Variants in XIAP observed in about 807,000 individuals in gnomAD.
XIAP encodes X-linked inhibitor of apoptosis.
Under a neutral mutation model 33.1 loss-of-function variants are expected in XIAP, and 3 were observed. That is an observed-to-expected ratio of 0.09 (90% CI 0.04 to 0.23). XIAP has a LOEUF of 0.23. Among genes scored for constraint, XIAP ranks in the 10% least tolerant of loss-of-function variants. The pLI, the probability that XIAP is intolerant of heterozygous loss-of-function variation, is 1.00. For missense variants in XIAP, 264 were observed against 363.0 expected, an observed-to-expected ratio of 0.73 and a Z score of 2.22; for synonymous variants, 98 against 121.3, an observed-to-expected ratio of 0.81 and a Z score of 1.26.
intron 3 of XIAP, among the ~76,000 whole-genome samples, chrX:123,890,162 G>T (rs1354220845): frequency 5.0e-4 from 51 of 100,996 alleles, no homozygotes; most frequent in Non-Finnish European, 9.8e-4. Flanking sequence ...GACTACAGGC[G>T]CCCGCTACCA....
chrX:123,888,701 T>C lies in XIAP; in HGVS notation c.960T>C (p.His320=). The change falls in exon 3 of 7, where the codon CAT becomes CAC. Residue 320 remains histidine (H), a synonymous_variant. Transcript: ENST00000371199. The part of the protein sequence containing the change: ...WKPSEDPWEQ[H]AKWYPGCKYL... ...CCAGTGAAGACCCTTGGGAACAACA[T>C]GCTAAATGGTATCCAGGGTAAGATA... is the stretch of plus-strand genomic sequence containing the variant. The C allele has an allele frequency of 1.7e-6, 2 of 1,209,578 alleles. No individual in the cohort carries two copies. The highest frequency in any genetic ancestry group is 3.5e-5 in the South Asian group (2 of 56,986).
chrX:123,893,671 T>C (rs1259257016), intron 5 of XIAP, among the ~76,000 whole-genome samples: 1 of 110,771 alleles, frequency 9.0e-6, no homozygotes, highest in Non-Finnish European at 1.9e-5. Context: ...CGAAACCCCA[T>C]CTCTACTAAA....
chrX:123,869,687 G>T (rs1569476059), intron 1 of XIAP, among the ~76,000 whole-genome samples: 1 of 111,753 alleles, frequency 8.9e-6, no homozygotes, highest in African/African-American at 3.3e-5. Context: ...AATCCTTGTA[G>T]TAATTTCCTT....
At position 123,867,047 on chromosome X, in the gene XIAP, C is replaced by CA. The variant is rs1569475755; in HGVS notation, c.-33+6754_-33+6755insA. Among the ~76,000 whole-genome samples the CA allele has an allele frequency of 2.6e-4, 20 of 77,550 alleles. 1 individual carries two copies. Among genetic ancestry groups the CA allele is most frequent in the Admixed American group, 9.0e-4 (6 of 6,696 alleles). The allele number at this position is 77,550 out of a possible 115,157, so 67.3% of individuals were successfully genotyped here. ...TACAGGTTGTTTTAATCCCCCCCCC[C>CA]CCTTCAACATTCTATAGTTAACATT... is the stretch of plus-strand genomic sequence containing the variant. On this transcript the variant is annotated intron_variant, in intron 1 of 6. Coordinates refer to ENST00000371199, the MANE Select transcript of XIAP (RefSeq NM_001167.4).
chrX:123,890,127 C>T (rs2053392330), intron 3 of XIAP, among the ~76,000 whole-genome samples: 1 of 91,396 alleles, frequency 1.1e-5, no homozygotes, highest in South Asian at 6.8e-4. Flanking sequence ...CGCCATTCTC[C>T]TGCCTCAGCC....
At chrX:123,906,299 T>G (rs887217225) in intron 6 of XIAP, among the ~76,000 whole-genome samples, 6 of 112,084 alleles carry the variant, frequency 5.4e-5, no homozygotes, top group African/African-American at 1.9e-4. Flanking sequence ...ACCTCAAGAT[T>G]TGACTCTTCA....
rs1370166348 is a variant in XIAP at position 123,860,473 on chromosome X, C to T, written c.-33+180C>T. Reference sequence around the variant, plus strand: ...CTGCTTGCCCGGGTTCCTCGGACTGCCGACGGCAGGCGTGGGTGGGTGGGT... The same window carrying T: ...CTGCTTGCCCGGGTTCCTCGGACTGTCGACGGCAGGCGTGGGTGGGTGGGT... On this transcript the variant is annotated intron_variant, in intron 1 of 6. Transcript: ENST00000371199. 2.3e-5 allele frequency: 6 copies of T among 258,986 alleles called. No homozygotes were observed. In the Admixed American group the frequency reaches 3.0e-4, roughly 13 times the overall value. The allele number at this position is 258,986 out of a possible 1,213,427, so 21.3% of individuals were successfully genotyped here.
At chrX:123,905,242 C>G (rs1165975418) in intron 6 of XIAP, among the ~76,000 whole-genome samples, 1 of 111,646 alleles carries the variant, frequency 9.0e-6, no homozygotes, top group Non-Finnish European at 1.9e-5. Context: ...CCTAATCTTT[C>G]ATGATCAGGC....
intron 6 of XIAP, among the ~76,000 whole-genome samples, chrX:123,901,444 G>A (rs113875687): frequency 2.7e-5 from 3 of 111,555 alleles, no homozygotes; most frequent in Non-Finnish European, 5.6e-5. Flanking sequence ...CAACAACATC[G>A]AAGGTTAAAG....
In XIAP at chrX:123,911,561, G is replaced by A. The variant is rs181285458; in HGVS notation, c.*4380G>A. The A allele has an allele frequency of 3.1e-4, 97 of 313,081 alleles. No individual in the cohort carries two copies. In the East Asian group the frequency reaches 7.3e-3, roughly 24 times the overall value. The allele number at this position is 313,081 out of a possible 1,213,427, so 25.8% of individuals were successfully genotyped here. A position where few individuals can be genotyped will look rare whatever the true frequency, so the allele number is the denominator to read the frequency against. ...GGCGTGGTGGCACATGCCCATAGTC[G>A]CAGCTACTCTGGAGGCAGAGGCAGG... is the stretch of plus-strand genomic sequence containing the variant. On this transcript the variant is annotated 3_prime_UTR_variant, in exon 7 of 7. Coordinates refer to ENST00000371199, the MANE Select transcript of XIAP (RefSeq NM_001167.4).
rs2053489905 is a variant in XIAP at position 123,899,146 on chromosome X, T to TAAAAAA, written c.1100-1346_1100-1345insAAAAAA. Among the ~76,000 whole-genome samples, 4 of 13,419 alleles carry TAAAAAA rather than the reference T, an allele frequency of 3.0e-4. 1 individual carries two copies. Among genetic ancestry groups the TAAAAAA allele is most frequent in the African/African-American group, 5.1e-4 (2 of 3,907 alleles). The allele number at this position is 13,419 out of a possible 115,157, so 11.7% of individuals were successfully genotyped here. A position where few individuals can be genotyped will look rare whatever the true frequency, so the allele number is the denominator to read the frequency against. On this transcript the variant is annotated intron_variant, in intron 5 of 6. Transcript: ENST00000371199. ...AAAAAAAAAAAAAAAAAAAAAAAAA[T>TAAAAAA]ATATATATATATATATATATGATTT...
chrX:123,875,779 A>G (rs2053238845), intron 1 of XIAP, among the ~76,000 whole-genome samples: 3 of 109,078 alleles, frequency 2.8e-5, no homozygotes, highest in Admixed American at 9.9e-5. Flanking sequence ...TCTGCCTCCC[A>G]GGTTCAAGCG....
chrX:123,899,142 A>T lies in XIAP; in HGVS notation c.1100-1351A>T, dbSNP rs867008436. On this transcript the variant is annotated intron_variant, in intron 5 of 6. Transcript: ENST00000371199. ...CTCAAAAAAAAAAAAAAAAAAAAAA[A>T]AAATATATATATATATATATATATG... Among the ~76,000 whole-genome samples, 164 of 59,367 alleles carry T rather than the reference A, an allele frequency of 2.8e-3. 12 individuals are homozygous for T. The highest frequency in any genetic ancestry group is 9.0e-3 in the African/African-American group (136 of 15,130). 51.6% of individuals were successfully genotyped at this position (59,367 alleles called of 115,157 possible).
rs1906839963 is a variant in XIAP, at chrX:123,912,228, AG to A, written c.*5048del. ...TTGAAAACACTGAGAAAAAAAAAAA[AG>A]ACCACACAATAAAAAAAAAAAATAC... On this transcript the variant is annotated 3_prime_UTR_variant, in exon 7 of 7. Coordinates refer to ENST00000371199, the MANE Select transcript of XIAP (RefSeq NM_001167.4). 1 of 293,898 alleles carries A rather than the reference AG, an allele frequency of 3.4e-6. No individual in the cohort carries two copies. The highest frequency in any genetic ancestry group is 4.2e-5 in the Admixed American group (1 of 23,961). 24.2% of individuals were successfully genotyped at this position (293,898 alleles called of 1,213,427 possible).
At chrX:123,905,099 A>T (rs1323999738) in intron 6 of XIAP, among the ~76,000 whole-genome samples, 1 of 111,761 alleles carries the variant, frequency 8.9e-6, no homozygotes, top group Admixed American at 9.5e-5. Flanking sequence ...GAGATTAAAC[A>T]ATCCTTTCCT....
chrX:123,864,679 TGTTTTAGTAAAGACAGGGTGTCACC>T (rs2053115103), intron 1 of XIAP, among the ~76,000 whole-genome samples: 3 of 95,095 alleles, frequency 3.2e-5, no homozygotes, highest in African/African-American at 1.2e-4. Flanking sequence ...TGTGTGTGTG[TGTTTTAGTAAAGACAGGGTGTCACC>T]GTGTGTGTGT....
chrX:123,889,997 ATTTTTTTTTTTTTTTTT>A (rs771503633), intron 3 of XIAP, among the ~76,000 whole-genome samples: 46 of 33,070 alleles, frequency 1.4e-3, no homozygotes, highest in South Asian at 2.7e-3. Flanking sequence ...AGTTGTTCAC[ATTTTTTTTTTTTTTTTT>A]TTTTTTTTTT....
intron 5 of XIAP, among the ~76,000 whole-genome samples, chrX:123,899,107 G>A (rs1309981921): frequency 3.5e-4 from 18 of 51,129 alleles, no homozygotes; most frequent in African/African-American, 5.5e-4. Context: ...GTGACAGAGC[G>A]AGACTACGTC....
chrX:123,896,411 TA>T (rs2053460480), intron 5 of XIAP, among the ~76,000 whole-genome samples: 1 of 111,019 alleles, frequency 9.0e-6, no homozygotes. Context: ...CTGAACAGTC[TA>T]GGGGGATGGG....
Sources: allele counts gnomAD v4.1 joint callset (sites outside exome capture counted in the v4.1 genomes callset), GRCh38; gene constraint gnomAD v4.1.1; transcripts MANE v1.5; gene names NCBI Gene and HGNC (gene_info 2026-07-23, HGNC 2026-07-21).